The following ABHD17C variants were observed in gnomAD, a reference collection of about 807,000 sequenced individuals.
ABHD17C encodes alpha/beta hydrolase domain-containing protein 17C.
A neutral mutation model predicts 27.9 loss-of-function variants in ABHD17C; 11 were observed. That is an observed-to-expected ratio of 0.39 (90% CI 0.25 to 0.65). The LOEUF (loss-of-function observed/expected upper bound fraction) is 0.65. Among genes scored for constraint, ABHD17C ranks in the 30% least tolerant of loss-of-function variants. ABHD17C has a pLI of 0.45. For missense variants in ABHD17C, 280 were observed against 470.2 expected (o/e 0.60, Z 3.74); for synonymous variants, 233 against 209.1 (o/e 1.11, Z -0.98).
At chr15:80,708,232 G>A (rs1278113650) in intron 1 of ABHD17C, among the ~76,000 whole-genome samples, 1 of 152,036 alleles carries the variant, frequency 6.6e-6, no homozygotes, top group Non-Finnish European at 1.5e-5. Flanking sequence ...CTAGGCTCTT[G>A]ATAGCTTGTC....
chr15:80,721,227 A>G (rs1420858072), intron 1 of ABHD17C, among the ~76,000 whole-genome samples: 1 of 108,764 alleles, frequency 9.2e-6, no homozygotes, highest in Non-Finnish European at 1.8e-5. Flanking sequence ...TTTTTTTTTT[A>G]ACTCTTTGAC....
intron 1 of ABHD17C, among the ~76,000 whole-genome samples, chr15:80,747,345 A>G (rs1267755495): frequency 6.6e-6 from 1 of 152,074 alleles, no homozygotes. Context: ...GCTCTCCCCA[A>G]AGACTCCCTG....
At chr15:80,729,850 G>A (rs369177859) in intron 1 of ABHD17C, among the ~76,000 whole-genome samples, 7 of 152,258 alleles carry the variant, frequency 4.6e-5, no homozygotes, top group Admixed American at 1.3e-4. Context: ...AGTGGCTTAC[G>A]CCTGTAATCC....
intron 1 of ABHD17C, among the ~76,000 whole-genome samples, chr15:80,714,412 A>C (rs1387802295): frequency 6.6e-6 from 1 of 152,198 alleles, no homozygotes; most frequent in African/African-American, 2.4e-5. Context: ...TCTCCATTTC[A>C]CAAATGCAGA....
At chr15:80,747,678 C>T (rs1456523365) in intron 1 of ABHD17C, among the ~76,000 whole-genome samples, 2 of 152,288 alleles carry the variant, frequency 1.3e-5, no homozygotes, top group South Asian at 2.1e-4. Flanking sequence ...CAGGCAAGAA[C>T]GCCAGGCAAA....
chr15:80,733,292 T>G (rs1895081627), intron 1 of ABHD17C, among the ~76,000 whole-genome samples: 1 of 152,206 alleles, frequency 6.6e-6, no homozygotes, highest in African/African-American at 2.4e-5. Context: ...TAAGCTCTCA[T>G]GTCTGGGTAC....
At chr15:80,747,947 C>A (rs1895311855) in intron 1 of ABHD17C, among the ~76,000 whole-genome samples, 2 of 152,314 alleles carry the variant, frequency 1.3e-5, no homozygotes, top group South Asian at 4.1e-4. Context: ...CAGCCCGTAA[C>A]CCTTTAGCTT....
chr15:80,724,057 G>GC (rs1894937981), intron 1 of ABHD17C, among the ~76,000 whole-genome samples: 2 of 152,034 alleles, frequency 1.3e-5, no homozygotes, highest in African/African-American at 2.4e-5. Flanking sequence ...ACAAAAATTA[G>GC]CTGGGTGTGG....
At chr15:80,729,978 G>C (rs2141509968) in intron 1 of ABHD17C, among the ~76,000 whole-genome samples, 1 of 152,234 alleles carries the variant, frequency 6.6e-6, no homozygotes, top group Non-Finnish European at 1.5e-5. Flanking sequence ...AATTAGCCAG[G>C]CTTGGTGGTG....
At chr15:80,746,883 A>G (rs1895294318) in intron 1 of ABHD17C, among the ~76,000 whole-genome samples, 1 of 152,236 alleles carries the variant, frequency 6.6e-6, no homozygotes, top group Non-Finnish European at 1.5e-5. Flanking sequence ...CATAAGAAGT[A>G]AAATGAACAC....
chr15:80,728,726 A>C (rs1450249654), intron 1 of ABHD17C, among the ~76,000 whole-genome samples: 1 of 152,212 alleles, frequency 6.6e-6, no homozygotes, highest in Non-Finnish European at 1.5e-5. Context: ...TGAAGATAAA[A>C]GGGCATCTCC....
At chr15:80,748,481 G>A (rs1895321386) in intron 1 of ABHD17C, among the ~76,000 whole-genome samples, 1 of 152,108 alleles carries the variant, frequency 6.6e-6, no homozygotes, top group South Asian at 2.1e-4. Context: ...GTATAAAATA[G>A]TAACTCATGG....
At chr15:80,743,411 G>A (rs1004124292) in intron 1 of ABHD17C, among the ~76,000 whole-genome samples, 3 of 152,152 alleles carry the variant, frequency 2.0e-5, no homozygotes, top group Non-Finnish European at 4.4e-5. Context: ...GGGATAGAAA[G>A]CGCTGTGTGT....
chr15:80,743,510 T>C (rs1272266878), intron 1 of ABHD17C, among the ~76,000 whole-genome samples: 2 of 152,248 alleles, frequency 1.3e-5, no homozygotes, highest in African/African-American at 4.8e-5. Context: ...TTTCCCATTG[T>C]GATACTCCCC....
intron 1 of ABHD17C, among the ~76,000 whole-genome samples, chr15:80,714,689 T>G (rs930455744): frequency 6.6e-6 from 1 of 152,222 alleles, no homozygotes; most frequent in African/African-American, 2.4e-5. Flanking sequence ...TGTTTTCAAT[T>G]TCTGTGGATT....
intron 1 of ABHD17C, among the ~76,000 whole-genome samples, chr15:80,746,459 G>A (rs1231458742): frequency 6.6e-6 from 1 of 151,412 alleles, no homozygotes; most frequent in East Asian, 1.9e-4. Flanking sequence ...TTTATGACTA[G>A]TGCTTTTTTG....
intron 1 of ABHD17C, among the ~76,000 whole-genome samples, chr15:80,699,619 A>C (rs1244535377): frequency 6.6e-6 from 1 of 152,172 alleles, no homozygotes; most frequent in Non-Finnish European, 1.5e-5. Flanking sequence ...CAGCCCTTGA[A>C]ACAGATGTAA....
chr15:80,750,850 G>A (rs1180605801), intron 2 of ABHD17C, among the ~76,000 whole-genome samples: 1 of 152,082 alleles, frequency 6.6e-6, no homozygotes, highest in African/African-American at 2.4e-5. Flanking sequence ...GAAGCAATGC[G>A]GGGAGTTACC....
At chr15:80,723,625 T>C (rs1001063755) in intron 1 of ABHD17C, among the ~76,000 whole-genome samples, 31 of 152,230 alleles carry the variant, frequency 2.0e-4, no homozygotes, top group Admixed American at 1.8e-3. Context: ...GATAGTTTAT[T>C]AACTTACAAT....
Sources: allele counts gnomAD v4.1 joint callset (sites outside exome capture counted in the v4.1 genomes callset), GRCh38; gene constraint gnomAD v4.1.1; transcripts MANE v1.5; gene names NCBI Gene and HGNC (gene_info 2026-07-23, HGNC 2026-07-21).